OTUD7A: variants seen among roughly 807,000 people sequenced by gnomAD.
The protein encoded by OTUD7A is OTU deubiquitinase 7A.
Under a neutral mutation model 65.7 loss-of-function variants are expected in OTUD7A, and 12 were observed. The observed-to-expected ratio is 0.18, with a 90% CI of 0.12 to 0.30. The LOEUF is 0.30. Among genes scored for constraint, OTUD7A ranks in the 10% least tolerant of loss-of-function variants. The pLI is 1.00. For synonymous variants in OTUD7A, 641 were observed against 586.3 expected (o/e 1.09, Z -1.35); for missense variants, 1,148 against 1,304.8 (o/e 0.88, Z 1.85).
chr15:31,806,226 T>C (rs1371007823), intron 1 of OTUD7A, among the ~76,000 whole-genome samples: 1 of 152,226 alleles, frequency 6.6e-6, no homozygotes, highest in Non-Finnish European at 1.5e-5. Context: ...CTGGGTCTCA[T>C]TCAATGCAAA....
intron 8 of OTUD7A, among the ~76,000 whole-genome samples, chr15:31,517,987 G>T (rs186931048): frequency 1.3e-4 from 20 of 152,212 alleles, no homozygotes; most frequent in Non-Finnish European, 2.4e-4. Flanking sequence ...AGCCTCCCAG[G>T]TCCCTCCCCA....
chr15:31,776,904 C>T (rs1895395916), intron 1 of OTUD7A, among the ~76,000 whole-genome samples: 1 of 151,972 alleles, frequency 6.6e-6, no homozygotes. Context: ...ATGTAACTAA[C>T]CTGCACATTG....
At chr15:31,615,057 C>T (rs1044941951) in intron 3 of OTUD7A, among the ~76,000 whole-genome samples, 5 of 151,814 alleles carry the variant, frequency 3.3e-5, no homozygotes, top group African/African-American at 1.2e-4. Context: ...TTGATTTATA[C>T]AAAATTATGC....
Position 31,844,203 on chromosome 15 carries a change from G to GAGAATCA in OTUD7A, c.-100+26297_-100+26303dup, listed in dbSNP as rs545202135. On this transcript the variant is annotated intron_variant, in intron 1 of 12. Coordinates refer to ENST00000307050, the MANE Select transcript of OTUD7A (RefSeq NM_001382637.1). ...ACACAGTACAGGATATGACAGAAAA[G>GAGAATCA]AGAATCAAGAATCGCACACTGCGCT... 7.0e-3 allele frequency among the ~76,000 whole-genome samples: 1,067 copies of GAGAATCA among 152,334 alleles called. 15 individuals are homozygous for GAGAATCA. Among genetic ancestry groups the GAGAATCA allele is most frequent in the African/African-American group, 0.025 (1,027 of 41,578 alleles).
chr15:31,760,467 T>G (rs1371542479), intron 1 of OTUD7A, among the ~76,000 whole-genome samples: 1 of 152,264 alleles, frequency 6.6e-6, no homozygotes, highest in Non-Finnish European at 1.5e-5. Flanking sequence ...TCCCTTCATT[T>G]TATAAAGATA....
intron 1 of OTUD7A, among the ~76,000 whole-genome samples, chr15:31,854,140 C>T (rs1465837904): frequency 6.6e-6 from 1 of 152,236 alleles, no homozygotes; most frequent in Non-Finnish European, 1.5e-5. Context: ...TGCATTCCTT[C>T]TGGATGCTCC....
intron 1 of OTUD7A, 84 bp from the exon 2 acceptor site, chr15:31,657,161 G>A (rs1001099641): frequency 1.8e-4 from 28 of 152,662 alleles, no homozygotes; most frequent in African/African-American, 6.8e-4. Context: ...GTCACAGGAG[G>A]CTGGATCTTG....
At chr15:31,599,626 G>A (rs1344973785) in intron 3 of OTUD7A, among the ~76,000 whole-genome samples, 1 of 152,132 alleles carries the variant, frequency 6.6e-6, no homozygotes, top group African/African-American at 2.4e-5. Flanking sequence ...GAACAAAACT[G>A]GACAGAGAAT....
intron 1 of OTUD7A, among the ~76,000 whole-genome samples, chr15:31,826,748 C>G (rs1020784089): frequency 1.3e-5 from 2 of 152,332 alleles, no homozygotes; most frequent in Non-Finnish European, 2.9e-5. Flanking sequence ...ATCTAATTCA[C>G]CGCTTGAATG....
intron 1 of OTUD7A, among the ~76,000 whole-genome samples, chr15:31,688,454 C>G (rs1200331200): frequency 1.3e-5 from 2 of 151,816 alleles, no homozygotes; most frequent in Non-Finnish European, 2.9e-5. Context: ...AAGAGAAAAA[C>G]GAAAGCAGGC....
chr15:31,783,953 G>T (rs1895606511), intron 1 of OTUD7A, among the ~76,000 whole-genome samples: 1 of 152,140 alleles, frequency 6.6e-6, no homozygotes, highest in East Asian at 1.9e-4. Context: ...CTACTACTGT[G>T]AATCTGACTG....
chr15:31,808,977 A>T (rs973096725), intron 1 of OTUD7A, among the ~76,000 whole-genome samples: 2 of 152,294 alleles, frequency 1.3e-5, no homozygotes, highest in South Asian at 4.1e-4. Flanking sequence ...GCAATTGCTC[A>T]AAGTGGAGAC....
chr15:31,815,082 T>G (rs771680869), intron 1 of OTUD7A, among the ~76,000 whole-genome samples: 9 of 152,134 alleles, frequency 5.9e-5, no homozygotes, highest in Admixed American at 1.3e-4. Context: ...GTTCCCTGTC[T>G]CTGAACAGAG....
intron 1 of OTUD7A, among the ~76,000 whole-genome samples, chr15:31,846,619 C>T (rs1897298572): frequency 6.6e-6 from 1 of 152,126 alleles, no homozygotes; most frequent in Non-Finnish European, 1.5e-5. Flanking sequence ...TGGTGCCCAG[C>T]CCCCGGTGAG....
At chr15:31,853,799 C>T (rs1309189491) in intron 1 of OTUD7A, among the ~76,000 whole-genome samples, 1 of 152,186 alleles carries the variant, frequency 6.6e-6, no homozygotes, top group Non-Finnish European at 1.5e-5. Flanking sequence ...CAGTGTGCAT[C>T]CCGCCCTGGC....
intron 1 of OTUD7A, among the ~76,000 whole-genome samples, chr15:31,727,485 A>T (rs1052026838): frequency 6.6e-6 from 1 of 152,140 alleles, no homozygotes; most frequent in Admixed American, 6.5e-5. Context: ...ATTTTGTCAA[A>T]TTCCACAAAA....
chr15:31,820,669 C>T (rs2140971936), intron 1 of OTUD7A, among the ~76,000 whole-genome samples: 1 of 152,368 alleles, frequency 6.6e-6, no homozygotes, highest in Admixed American at 6.5e-5. Flanking sequence ...CAGGTCCCAA[C>T]ACTGGATCCA....
chr15:31,530,623 C>A, intron 6 of OTUD7A, 84 bp downstream of exon 6: 1 of 1,277,358 alleles, frequency 7.8e-7, no homozygotes, highest in Non-Finnish European at 1.1e-6. Flanking sequence ...GCTTTTCCTT[C>A]AATAGTGTTT....
intron 1 of OTUD7A, among the ~76,000 whole-genome samples, chr15:31,672,681 C>T (rs28626539): frequency 0.057 from 8,717 of 152,218 alleles, 848 homozygotes; most frequent in African/African-American, 0.2. Flanking sequence ...TACAATGGAA[C>T]GGGGTGTCTT....
Sources: allele counts gnomAD v4.1 joint callset (sites outside exome capture counted in the v4.1 genomes callset), GRCh38; gene constraint gnomAD v4.1.1; transcripts MANE v1.5; gene names NCBI Gene and HGNC (gene_info 2026-07-23, HGNC 2026-07-21).